Variants in TMEM132C observed in about 807,000 individuals in gnomAD.
TMEM132C encodes transmembrane protein 132C.
A neutral mutation model predicts 61.4 loss-of-function variants in TMEM132C; 29 were observed. The ratio of observed to expected loss-of-function variants is 0.47; its 90% CI spans 0.35 to 0.64. The LOEUF is 0.64. Among genes scored for constraint, TMEM132C ranks in the 30% least tolerant of loss-of-function variants. The pLI, the probability that TMEM132C is intolerant of heterozygous loss-of-function variation, is 0.00. For synonymous variants in TMEM132C, 656 were observed against 633.1 expected (o/e 1.04, Z -0.54); for missense variants, 1,408 against 1,476.9 (o/e 0.95, Z 0.76).
intron 4 of TMEM132C, among the ~76,000 whole-genome samples, chr12:128,620,243 A>G (rs1209404382): frequency 6.6e-6 from 1 of 151,630 alleles, no homozygotes; most frequent in Non-Finnish European, 1.5e-5. Context: ...AAAAAAAAAA[A>G]AAAAAAAAAA....
At chr12:128,477,235 G>A (rs751752084) in intron 2 of TMEM132C, among the ~76,000 whole-genome samples, 2 of 152,298 alleles carry the variant, frequency 1.3e-5, no homozygotes, top group African/African-American at 2.4e-5. Context: ...TCACTCACAC[G>A]TCAGTTGGGT....
At chr12:128,302,051 C>G (rs376997238) in intron 1 of TMEM132C, among the ~76,000 whole-genome samples, 32 of 152,252 alleles carry the variant, frequency 2.1e-4, no homozygotes, top group African/African-American at 7.5e-4. Context: ...CCTCCCAGAA[C>G]ATGGGGGAAT....
At chr12:128,340,390 A>G (rs1435333070) in intron 1 of TMEM132C, among the ~76,000 whole-genome samples, 1 of 152,112 alleles carries the variant, frequency 6.6e-6, no homozygotes. Flanking sequence ...ATTACAGTAA[A>G]GCTTATTTTA....
intron 2 of TMEM132C, among the ~76,000 whole-genome samples, chr12:128,484,363 G>A (rs1871415861): frequency 6.6e-6 from 1 of 152,194 alleles, no homozygotes; most frequent in African/African-American, 2.4e-5. Context: ...TCTCCAGTGA[G>A]AGGAAGGAGG....
At chr12:128,555,098 G>C (rs1418205499) in intron 3 of TMEM132C, among the ~76,000 whole-genome samples, 1 of 152,102 alleles carries the variant, frequency 6.6e-6, no homozygotes, top group Admixed American at 6.5e-5. Flanking sequence ...CTGCTGCAGG[G>C]GAGAAAAGTA....
chr12:128,349,417 A>C (rs1440790269), intron 1 of TMEM132C, among the ~76,000 whole-genome samples: 1 of 152,178 alleles, frequency 6.6e-6, no homozygotes, highest in African/African-American at 2.4e-5. Context: ...TGAATCCTTC[A>C]AGCTTGGTGC....
At chr12:128,357,954 C>A (rs958915550) in intron 1 of TMEM132C, among the ~76,000 whole-genome samples, 13 of 152,066 alleles carry the variant, frequency 8.5e-5, no homozygotes, top group Admixed American at 3.3e-4. Flanking sequence ...AACACACGGC[C>A]CCACCCTGCT....
At chr12:128,448,247 C>A (rs1276384670) in intron 2 of TMEM132C, among the ~76,000 whole-genome samples, 4 of 152,144 alleles carry the variant, frequency 2.6e-5, no homozygotes, top group Admixed American at 6.5e-5. Context: ...AACTGTTATG[C>A]AGCTTTTTGC....
intron 4 of TMEM132C, among the ~76,000 whole-genome samples, chr12:128,648,587 A>G (rs576522130): frequency 3.4e-5 from 5 of 146,168 alleles, no homozygotes; most frequent in African/African-American, 1.3e-4. Flanking sequence ...TCAGCACTGG[A>G]TGTGAGTGTG....
intron 2 of TMEM132C, among the ~76,000 whole-genome samples, chr12:128,461,971 A>C (rs183177543): frequency 1.1e-4 from 16 of 152,284 alleles, no homozygotes; most frequent in Non-Finnish European, 2.4e-4. Context: ...ACACAATCGG[A>C]TTGGAGCGGG....
At chr12:128,365,470 A>G (rs1382911476) in intron 1 of TMEM132C, among the ~76,000 whole-genome samples, 1 of 152,220 alleles carries the variant, frequency 6.6e-6, no homozygotes, top group Non-Finnish European at 1.5e-5. Context: ...TATTGCTATT[A>G]TTAGCATACT....
At chr12:128,298,586 T>C (rs914329514) in intron 1 of TMEM132C, among the ~76,000 whole-genome samples, 1 of 152,190 alleles carries the variant, frequency 6.6e-6, no homozygotes, top group Admixed American at 6.5e-5. Context: ...TTCTTTGCCA[T>C]TGCATCCTGT....
intron 4 of TMEM132C, among the ~76,000 whole-genome samples, chr12:128,629,783 T>C (rs1954050473): frequency 1.3e-5 from 2 of 152,014 alleles, no homozygotes; most frequent in South Asian, 4.1e-4. Context: ...CTGGCCAAGA[T>C]GGTGAGACTC....
chr12:128,450,439 C>T (rs1870141560), intron 2 of TMEM132C, among the ~76,000 whole-genome samples: 1 of 152,118 alleles, frequency 6.6e-6, no homozygotes, highest in African/African-American at 2.4e-5. Context: ...ATTTCCAATT[C>T]CCTCAGCAGA....
At chr12:128,531,926 G>A (rs1372709497) in intron 2 of TMEM132C, among the ~76,000 whole-genome samples, 1 of 152,174 alleles carries the variant, frequency 6.6e-6, no homozygotes, top group Non-Finnish European at 1.5e-5. Flanking sequence ...GGTGGCAGAC[G>A]GGGAGATGGA....
intron 3 of TMEM132C, among the ~76,000 whole-genome samples, chr12:128,550,811 C>T (rs1040782032): frequency 3.9e-5 from 6 of 152,218 alleles, no homozygotes; most frequent in African/African-American, 1.2e-4. Flanking sequence ...TCCGTCACTG[C>T]ACCACCTGGG....
At chr12:128,404,270 A>T (rs976449270) in intron 1 of TMEM132C, among the ~76,000 whole-genome samples, 1 of 152,194 alleles carries the variant, frequency 6.6e-6, no homozygotes, top group African/African-American at 2.4e-5. Context: ...ATTTGTGGGC[A>T]TATTTGTATA....
At chr12:128,488,453 G>A (rs1278121822) in intron 2 of TMEM132C, among the ~76,000 whole-genome samples, 1 of 152,150 alleles carries the variant, frequency 6.6e-6, no homozygotes, top group East Asian at 1.9e-4. Flanking sequence ...CTGAGGTCGG[G>A]AGTTCAAGAC....
At chr12:128,627,889 G>A (rs747725249) in intron 4 of TMEM132C, among the ~76,000 whole-genome samples, 37 of 152,214 alleles carry the variant, frequency 2.4e-4, no homozygotes, top group Non-Finnish European at 4.6e-4. Flanking sequence ...ACAGCTCACG[G>A]CCAGCAGCTG....
Sources: gnomAD v4.1 joint callset for allele counts (sites outside exome capture counted in the v4.1 genomes callset) on GRCh38, gnomAD v4.1.1 for gene constraint, MANE v1.5 for transcripts, NCBI Gene and HGNC (gene_info 2026-07-23, HGNC 2026-07-21) for gene names.